Variants in CDH20 observed in about 807,000 individuals in gnomAD.
The protein encoded by CDH20 is cadherin-20.
Under a neutral mutation model 74.2 loss-of-function variants are expected in CDH20, and 29 were observed. The observed-to-expected ratio is 0.39, with a 90% CI of 0.29 to 0.53. The LOEUF is 0.53. Among genes scored for constraint, CDH20 ranks in the 20% least tolerant of loss-of-function variants. The pLI is 0.69. For missense variants in CDH20, 988 were observed against 1,048.3 expected (o/e 0.94, Z 0.79); for synonymous variants, 469 against 405.4 (o/e 1.16, Z -1.88).
chr18:61,425,043 CT>C lies in CDH20; in HGVS notation c.-152-65358del, dbSNP rs1382399543. 0.014 allele frequency among the ~76,000 whole-genome samples: 18 copies of C among 1,318 alleles called. No homozygotes were observed. In the East Asian group the frequency reaches 0.46, roughly 34 times the overall value. The allele number at this position is 1,318 out of a possible 152,430, so 0.9% of individuals were successfully genotyped here. ...CTCTCTCTCCCACTTCCCCGCTCCTCTCTCTCTCTCTCTCTCTCTCTCTCTC... is the reference window on the plus strand; with the variant it reads ...CTCTCTCTCCCACTTCCCCGCTCCTCCTCTCTCTCTCTCTCTCTCTCTCTC... On this transcript the variant is annotated intron_variant, in intron 1 of 11. Coordinates refer to ENST00000262717, the MANE Select transcript of CDH20 (RefSeq NM_031891.4).
At chr18:61,404,343 T>C (rs1416625960) in intron 1 of CDH20, among the ~76,000 whole-genome samples, 1 of 152,234 alleles carries the variant, frequency 6.6e-6, no homozygotes, top group Non-Finnish European at 1.5e-5. Context: ...AGGCGTATTT[T>C]GTCTTTGAAT....
intron 1 of CDH20, among the ~76,000 whole-genome samples, chr18:61,395,238 T>TGAGAAC (rs1316825416): frequency 1.3e-5 from 2 of 152,192 alleles, no homozygotes; most frequent in African/African-American, 4.8e-5. Flanking sequence ...ACTAACAGAC[T>TGAGAAC]TGACACTCAC....
In CDH20 at chr18:61,484,737, CCACACACACACACACACACACA is replaced by C. The variant is rs36203080; in HGVS notation, c.-152-5636_-152-5615del. On this transcript the variant is annotated intron_variant, in intron 1 of 11. Coordinates refer to ENST00000262717, the MANE Select transcript of CDH20 (RefSeq NM_031891.4). ...TTCTACCAATTTTTTTTGCTCTACTCCACACACACACACACACACACACACACACACACACACACACACACAC... is the reference window on the plus strand; with the variant it reads ...TTCTACCAATTTTTTTTGCTCTACTCCACACACACACACACACACACACAC... Among the ~76,000 whole-genome samples the C allele has an allele frequency of 7.0e-3, 1,022 of 146,172 alleles. 12 individuals are homozygous for C. Among genetic ancestry groups the C allele is most frequent in the African/African-American group, 0.021 (841 of 39,216 alleles).
At chr18:61,435,940 C>T (rs951333387) in intron 1 of CDH20, among the ~76,000 whole-genome samples, 4 of 152,074 alleles carry the variant, frequency 2.6e-5, no homozygotes, top group African/African-American at 7.2e-5. Context: ...TCTGCACACT[C>T]GCCACCACAG....
intron 1 of CDH20, among the ~76,000 whole-genome samples, chr18:61,395,923 CT>C (rs1241489192): frequency 2.0e-5 from 3 of 152,178 alleles, no homozygotes; most frequent in Non-Finnish European, 4.4e-5. Flanking sequence ...ATCCCAGCTA[CT>C]TTTTCGATAG....
In CDH20 at chr18:61,344,931, T is replaced by C. The variant is rs1028183948; in HGVS notation, c.-153+11104T>C. Among the ~76,000 whole-genome samples the C allele has an allele frequency of 4.6e-5, 7 of 152,356 alleles. No individual in the cohort carries two copies. The East Asian group carries it at 1.3e-3, about 29-fold the overall frequency. On this transcript the variant is annotated intron_variant, in intron 1 of 11. Transcript: ENST00000262717. ...TCTCCTTTGGTTATCTTCTGTCTTA[T>C]GATTATTTTGGTGAACATTTCATAA...
At chr18:61,390,696 AT>A (rs1177864634) in intron 1 of CDH20, among the ~76,000 whole-genome samples, 2 of 152,204 alleles carry the variant, frequency 1.3e-5, no homozygotes, top group African/African-American at 2.4e-5. Flanking sequence ...GATTTGGTAA[AT>A]AAAAAAGATA....
intron 1 of CDH20, among the ~76,000 whole-genome samples, chr18:61,487,556 G>A (rs1301098922): frequency 6.6e-6 from 1 of 152,166 alleles, no homozygotes; most frequent in African/African-American, 2.4e-5. Context: ...GATTTGGGGT[G>A]TGTAAAGGTA....
At chr18:61,451,946 T>G (rs1909402157) in intron 1 of CDH20, among the ~76,000 whole-genome samples, 1 of 152,168 alleles carries the variant, frequency 6.6e-6, no homozygotes, top group Admixed American at 6.5e-5. Context: ...TTTCTGAAAT[T>G]TGTGTTCTGT....
At chr18:61,481,797 T>TACCC (rs1910598683) in intron 1 of CDH20, among the ~76,000 whole-genome samples, 1 of 151,996 alleles carries the variant, frequency 6.6e-6, no homozygotes, top group Non-Finnish European at 1.5e-5. Context: ...ATTCTCCCCA[T>TACCC]ACCCAGCCTT....
At chr18:61,533,893 G>A (rs970918168) in intron 7 of CDH20, among the ~76,000 whole-genome samples, 1 of 152,124 alleles carries the variant, frequency 6.6e-6, no homozygotes, top group African/African-American at 2.4e-5. Context: ...TCCCCATTAT[G>A]TGTTCTTGGA....
In CDH20 at chr18:61,538,586, TTG is replaced by T. The variant is rs1568182051; in HGVS notation, c.1409-436_1409-435del. On this transcript the variant is annotated intron_variant, in intron 8 of 11. Coordinates refer to ENST00000262717, the MANE Select transcript of CDH20 (RefSeq NM_031891.4). ...CACCAAGTAAATAACTACTTTTTGT[TTG>T]TTTGTTTGTTTTTGTTTTTGTTTTT... is the stretch of plus-strand genomic sequence containing the variant. Among the ~76,000 whole-genome samples the T allele has an allele frequency of 1.0e-4, 5 of 48,372 alleles. 2 individuals are homozygous for T. The highest frequency in any genetic ancestry group is 3.9e-5 in the Non-Finnish European group (1 of 25,588). 31.7% of individuals were successfully genotyped at this position (48,372 alleles called of 152,430 possible). A position where few individuals can be genotyped will look rare whatever the true frequency, so the allele number is the denominator to read the frequency against.
At chr18:61,456,180 A>G (rs916787100) in intron 1 of CDH20, among the ~76,000 whole-genome samples, 2 of 152,212 alleles carry the variant, frequency 1.3e-5, no homozygotes, top group African/African-American at 2.4e-5. Flanking sequence ...CTAGGTGGGT[A>G]TAGAAACCAA....
intron 1 of CDH20, among the ~76,000 whole-genome samples, chr18:61,480,505 C>T (rs1052913092): frequency 1.3e-5 from 2 of 152,300 alleles, no homozygotes; most frequent in East Asian, 3.9e-4. Flanking sequence ...GAAGCAGGGA[C>T]AGGACTTCCA....
At chr18:61,490,929 C>A in intron 2 of CDH20, 130 bp downstream of exon 2, 5 of 937,770 alleles carry the variant, frequency 5.3e-6, no homozygotes, top group East Asian at 2.4e-5. Flanking sequence ...TTACTTGACA[C>A]CTAGCTAAAA....
At chr18:61,339,782 G>T (rs1909883729) in intron 1 of CDH20, among the ~76,000 whole-genome samples, 1 of 145,692 alleles carries the variant, frequency 6.9e-6, no homozygotes. Flanking sequence ...CCGCCTCCTG[G>T]GTTCATGCCA....
intron 8 of CDH20, among the ~76,000 whole-genome samples, chr18:61,538,652 T>C (rs947758531): frequency 4.6e-5 from 6 of 129,814 alleles, no homozygotes; most frequent in African/African-American, 1.7e-4. Flanking sequence ...GGAGTCTTAC[T>C]CTTTTGCCCA....
intron 1 of CDH20, among the ~76,000 whole-genome samples, chr18:61,355,252 A>G (rs934209414): frequency 1.3e-5 from 2 of 152,242 alleles, no homozygotes; most frequent in Non-Finnish European, 2.9e-5. Context: ...AGAAGAACCA[A>G]TGTAGCTTTT....
intron 6 of CDH20, among the ~76,000 whole-genome samples, chr18:61,527,146 T>G (rs1912440703): frequency 6.6e-6 from 1 of 152,108 alleles, no homozygotes. Flanking sequence ...CACTGTTGCA[T>G]TCTAGCCTGG....
Sources: allele counts gnomAD v4.1 joint callset (sites outside exome capture counted in the v4.1 genomes callset), GRCh38; gene constraint gnomAD v4.1.1; transcripts MANE v1.5; gene names NCBI Gene and HGNC (gene_info 2026-07-23, HGNC 2026-07-21).